The following CBLB variants were observed in gnomAD, a reference collection of about 807,000 sequenced individuals.
CBLB encodes the protein E3 ubiquitin-protein ligase CBL-B.
A neutral mutation model predicts 104.9 loss-of-function variants in CBLB; 31 were observed. That is an observed-to-expected ratio of 0.30 (90% CI 0.22 to 0.40). The LOEUF (loss-of-function observed/expected upper bound fraction) is 0.40. CBLB is among the 10% of genes least tolerant of loss of function. CBLB has a pLI of 1.00. For synonymous variants in CBLB, 440 were observed against 422.6 expected, an observed-to-expected ratio of 1.04 and a Z score of -0.51; for missense variants, 1,062 against 1,214.6, an observed-to-expected ratio of 0.87 and a Z score of 1.87.
chr3:105,786,652 C>T (rs967259425), intron 3 of CBLB, among the ~76,000 whole-genome samples: 3 of 152,154 alleles, frequency 2.0e-5, no homozygotes, highest in Non-Finnish European at 4.4e-5. Context: ...AACCAGACAA[C>T]AGAAAGCTCA....
At chr3:105,786,189 G>T (rs890679719) in intron 3 of CBLB, among the ~76,000 whole-genome samples, 6 of 151,936 alleles carry the variant, frequency 3.9e-5, no homozygotes, top group Admixed American at 3.3e-4. Flanking sequence ...ATGATGTGTT[G>T]TAAATAGGAA....
At chr3:105,660,255 G>A (rs569218651) in intron 18 of CBLB, among the ~76,000 whole-genome samples, 6 of 152,266 alleles carry the variant, frequency 3.9e-5, no homozygotes, top group African/African-American at 1.4e-4. Context: ...CGTAGTCTCA[G>A]CTCACTGCAA....
At chr3:105,707,868 AAC>A (rs201224082) in intron 10 of CBLB, among the ~76,000 whole-genome samples, 4 of 150,912 alleles carry the variant, frequency 2.7e-5, no homozygotes, top group East Asian at 2.0e-4. Flanking sequence ...AATAAAAAAA[AAC>A]AAAGTACATC....
intron 3 of CBLB, among the ~76,000 whole-genome samples, chr3:105,832,481 T>G (rs1356937636): frequency 6.6e-6 from 1 of 152,228 alleles, no homozygotes; most frequent in Admixed American, 6.5e-5. Flanking sequence ...ATGATGCATG[T>G]GGCTGTAAGA....
At chr3:105,815,004 C>T (rs1445507409) in intron 3 of CBLB, among the ~76,000 whole-genome samples, 1 of 149,426 alleles carries the variant, frequency 6.7e-6, no homozygotes, top group Non-Finnish European at 1.5e-5. Context: ...ACTAATATCC[C>T]AACTGCTTCC....
chr3:105,702,476 G>GAAAAAAAAAGAAAAA lies in CBLB; in HGVS notation c.1594-18_1594-17insTTTTTCTTTTTTTTT. The GAAAAAAAAAGAAAAA allele has an allele frequency of 7.2e-6, 2 of 277,062 alleles. No homozygotes were observed. 17.2% of individuals were successfully genotyped at this position (277,062 alleles called of 1,614,324 possible). A position where few individuals can be genotyped will look rare whatever the true frequency, so the allele number is the denominator to read the frequency against. On this transcript the variant is annotated splice_polypyrimidine_tract_variant and intron_variant, in intron 11 of 18. Transcript: ENST00000394030. ...AGGAGAAGACTAAAGAAACAGAAGA[G>GAAAAAAAAAGAAAAA]AAAAAAAAAAAAAAAAAAAAAAACT...
intron 4 of CBLB, among the ~76,000 whole-genome samples, chr3:105,771,789 G>GA (rs1398842134): frequency 1.3e-5 from 2 of 151,906 alleles, no homozygotes; most frequent in East Asian, 1.9e-4. Flanking sequence ...TGCAACAGCT[G>GA]AAAAAAATAA....
chr3:105,861,018 A>G (rs2092038771), intron 2 of CBLB, among the ~76,000 whole-genome samples: 1 of 152,194 alleles, frequency 6.6e-6, no homozygotes, highest in Admixed American at 6.5e-5. Context: ...GTAAGATAAT[A>G]TAAGCTCAAC....
chr3:105,685,535 T>C (rs2066902222), intron 13 of CBLB, 69 bp from the exon 14 acceptor site: 2 of 1,279,622 alleles, frequency 1.6e-6, no homozygotes, highest in East Asian at 4.8e-5. Flanking sequence ...TGATGTGACA[T>C]ATTCAAGTCA....
chr3:105,675,917 T>G (rs2065588383), intron 17 of CBLB, among the ~76,000 whole-genome samples: 1 of 135,230 alleles, frequency 7.4e-6, no homozygotes, highest in South Asian at 2.3e-4. Context: ...TCATAAAGGA[T>G]CTGGTACCAG....
chr3:105,771,836 G>A (rs1222867396), intron 4 of CBLB, among the ~76,000 whole-genome samples: 1 of 152,112 alleles, frequency 6.6e-6, no homozygotes, highest in African/African-American at 2.4e-5. Context: ...CCAAGGAGGT[G>A]AAAGATCTCT....
intron 5 of CBLB, among the ~76,000 whole-genome samples, chr3:105,748,097 CAA>C (rs2076277654): frequency 6.6e-6 from 1 of 152,110 alleles, no homozygotes; most frequent in South Asian, 2.1e-4. Flanking sequence ...AAAGGCAAAA[CAA>C]AGTGCTTTGG....
intron 3 of CBLB, among the ~76,000 whole-genome samples, chr3:105,823,165 C>G (rs2086117615): frequency 6.6e-6 from 1 of 152,200 alleles, no homozygotes; most frequent in African/African-American, 2.4e-5. Flanking sequence ...AACATTGTCT[C>G]TGACATTCTT....
intron 4 of CBLB, among the ~76,000 whole-genome samples, chr3:105,768,097 G>T (rs1239373473): frequency 6.6e-6 from 1 of 152,176 alleles, no homozygotes; most frequent in Non-Finnish European, 1.5e-5. Flanking sequence ...GAAATACAAA[G>T]ATGAATAAAT....
intron 3 of CBLB, among the ~76,000 whole-genome samples, chr3:105,844,525 T>C (rs972468565): frequency 6.6e-6 from 1 of 152,222 alleles, no homozygotes; most frequent in Non-Finnish European, 1.5e-5. Flanking sequence ...AAAGGGCACT[T>C]TTTGTAATGA....
intron 3 of CBLB, among the ~76,000 whole-genome samples, chr3:105,788,933 GA>G (rs1222052393): frequency 6.6e-6 from 1 of 152,154 alleles, no homozygotes; most frequent in Non-Finnish European, 1.5e-5. Flanking sequence ...AAATCACGTA[GA>G]AAGACCCAAG....
intron 3 of CBLB, among the ~76,000 whole-genome samples, chr3:105,829,855 T>A (rs988526857): frequency 6.6e-6 from 1 of 152,116 alleles, no homozygotes; most frequent in Admixed American, 6.5e-5. Context: ...TTGAAAGCCA[T>A]GATAAGAAGT....
At chr3:105,766,356 C>G (rs1034505582) in intron 4 of CBLB, among the ~76,000 whole-genome samples, 2 of 152,070 alleles carry the variant, frequency 1.3e-5, no homozygotes, top group Non-Finnish European at 2.9e-5. Context: ...AAAGCAGTGG[C>G]AGGGTTTGAG....
chr3:105,703,878 T>G, intron 11 of CBLB, 110 bp downstream of exon 11: 1 of 937,394 alleles, frequency 1.1e-6, no homozygotes, highest in South Asian at 1.5e-5. Flanking sequence ...TCATCAAACT[T>G]ATTCACAATT....
Sources: gnomAD v4.1 joint callset for allele counts (sites outside exome capture counted in the v4.1 genomes callset) on GRCh38, gnomAD v4.1.1 for gene constraint, MANE v1.5 for transcripts, NCBI Gene and HGNC (gene_info 2026-07-23, HGNC 2026-07-21) for gene names.